LHFPL3: variants seen among roughly 807,000 people sequenced by gnomAD.
LHFPL3 encodes LHFPL tetraspan subfamily member 3 protein.
Under a neutral mutation model 19.3 loss-of-function variants are expected in LHFPL3, and 5 were observed. The ratio of observed to expected loss-of-function variants is 0.26; its 90% confidence interval spans 0.14 to 0.54. The LOEUF is 0.54. Among genes scored for constraint, LHFPL3 ranks in the 20% least tolerant of loss-of-function variants. The pLI is 0.94. For synonymous variants in LHFPL3, 133 were observed against 126.2 expected (o/e 1.05, Z -0.36); for missense variants, 249 against 307.4 (o/e 0.81, Z 1.42).
chr7:104,365,444 T>A (rs1380555866), intron 1 of LHFPL3, among the ~76,000 whole-genome samples: 1 of 59,976 alleles, frequency 1.7e-5, no homozygotes, highest in Non-Finnish European at 3.5e-5. Flanking sequence ...GTTTTTGTGA[T>A]TTTTTTTTTA....
chr7:104,580,863 T>C (rs1251536429), intron 1 of LHFPL3, among the ~76,000 whole-genome samples: 1 of 152,116 alleles, frequency 6.6e-6, no homozygotes, highest in Non-Finnish European at 1.5e-5. Flanking sequence ...GTTGCATGTA[T>C]CACAATTATT....
At chr7:104,491,216 C>G (rs992086715) in intron 1 of LHFPL3, among the ~76,000 whole-genome samples, 7 of 152,100 alleles carry the variant, frequency 4.6e-5, no homozygotes, top group African/African-American at 1.7e-4. Context: ...CATCAGCAAT[C>G]AGATGACCAG....
At chr7:104,514,558 G>C (rs1420182732) in intron 1 of LHFPL3, among the ~76,000 whole-genome samples, 1 of 152,162 alleles carries the variant, frequency 6.6e-6, no homozygotes, top group African/African-American at 2.4e-5. Context: ...GGGGTCAGCA[G>C]AGCTAGAAGA....
chr7:104,795,465 T>C (rs1790105979), intron 2 of LHFPL3, among the ~76,000 whole-genome samples: 1 of 152,218 alleles, frequency 6.6e-6, no homozygotes, highest in Admixed American at 6.5e-5. Flanking sequence ...TTCTAACAGT[T>C]TGTATGCCTC....
intron 2 of LHFPL3, among the ~76,000 whole-genome samples, chr7:104,769,849 G>A (rs1005474960): frequency 1.4e-5 from 1 of 73,012 alleles, no homozygotes; most frequent in Non-Finnish European, 2.7e-5. Context: ...ATACTATGCA[G>A]CCATAAAAAA....
At chr7:104,663,894 A>G (rs1440114136) in intron 1 of LHFPL3, among the ~76,000 whole-genome samples, 1 of 152,228 alleles carries the variant, frequency 6.6e-6, no homozygotes, top group Non-Finnish European at 1.5e-5. Flanking sequence ...TACCTTAACC[A>G]TAAGACCATC....
chr7:104,792,410 A>G (rs1790039816), intron 2 of LHFPL3, among the ~76,000 whole-genome samples: 1 of 152,256 alleles, frequency 6.6e-6, no homozygotes, highest in South Asian at 2.1e-4. Context: ...TCCAGACTCT[A>G]TTACAGATGA....
intron 1 of LHFPL3, among the ~76,000 whole-genome samples, chr7:104,707,371 C>G (rs1427376836): frequency 6.6e-6 from 1 of 152,234 alleles, no homozygotes; most frequent in Non-Finnish European, 1.5e-5. Context: ...GGCTTGGATA[C>G]TTACTGGTCA....
At chr7:104,904,974 C>T (rs914491199) in intron 2 of LHFPL3, among the ~76,000 whole-genome samples, 1 of 152,078 alleles carries the variant, frequency 6.6e-6, no homozygotes, top group East Asian at 1.9e-4. Flanking sequence ...TTGTGTGTGA[C>T]AGGGAGGGTC....
At chr7:104,427,379 A>C (rs1791867894) in intron 1 of LHFPL3, among the ~76,000 whole-genome samples, 1 of 152,250 alleles carries the variant, frequency 6.6e-6, no homozygotes, top group Admixed American at 6.5e-5. Flanking sequence ...CTAAGAAATT[A>C]ACAGTGAAGC....
chr7:104,833,940 C>T (rs1354022599), intron 2 of LHFPL3, among the ~76,000 whole-genome samples: 1 of 131,068 alleles, frequency 7.6e-6, no homozygotes, highest in Non-Finnish European at 1.6e-5. Flanking sequence ...CACAAGTTCC[C>T]ACAATAGGCT....
At chr7:104,890,313 T>C (rs1361289249) in intron 2 of LHFPL3, among the ~76,000 whole-genome samples, 1 of 151,996 alleles carries the variant, frequency 6.6e-6, no homozygotes, top group Non-Finnish European at 1.5e-5. Flanking sequence ...AAAAAACAAG[T>C]GGTTGGGAGA....
At chr7:104,736,561 T>A (rs1793826424) in intron 1 of LHFPL3, 114 bp from the exon 2 acceptor site, 1 of 728,606 alleles carries the variant, frequency 1.4e-6, no homozygotes. Flanking sequence ...TGCTGTTTTT[T>A]AAATCAAGAA....
chr7:104,890,680 G>T (rs927136416), intron 2 of LHFPL3, among the ~76,000 whole-genome samples: 1 of 152,248 alleles, frequency 6.6e-6, no homozygotes, highest in African/African-American at 2.4e-5. Flanking sequence ...CAGAGGCCAT[G>T]GGAGAAATGG....
intron 1 of LHFPL3, among the ~76,000 whole-genome samples, chr7:104,390,386 G>C (rs1791041530): frequency 6.7e-6 from 1 of 150,214 alleles, no homozygotes; most frequent in Non-Finnish European, 1.5e-5. Flanking sequence ...CCCAACCTGT[G>C]TCCAAGTGTT....
intron 1 of LHFPL3, among the ~76,000 whole-genome samples, chr7:104,481,771 T>G (rs34551080): frequency 4.6e-5 from 7 of 152,122 alleles, no homozygotes; most frequent in Non-Finnish European, 1.0e-4. Flanking sequence ...ACTACTCACA[T>G]AAAAAGCTAG....
rs183681192 is a variant in LHFPL3, at chr7:104,457,261, C to A, written c.445+128037C>A. 6.9e-3 allele frequency among the ~76,000 whole-genome samples: 1,047 copies of A among 151,478 alleles called. 10 individuals are homozygous for A. The highest frequency in any genetic ancestry group is 0.024 in the African/African-American group (997 of 41,202). On this transcript the variant is annotated intron_variant, in intron 1 of 2. Coordinates refer to ENST00000424859, the MANE Select transcript of LHFPL3 (RefSeq NM_199000.3). ...ATTAGGTATATCTCCTCAAGCTATC[C>A]CTCCCCCATCCCCCCACCCCACAAC...
chr7:104,393,176 T>A (rs185205041), intron 1 of LHFPL3, among the ~76,000 whole-genome samples: 3 of 152,286 alleles, frequency 2.0e-5, no homozygotes, highest in Admixed American at 2.0e-4. Flanking sequence ...TAAATAATGT[T>A]GAGGTTGCAG....
At chr7:104,592,484 G>T (rs111255073) in intron 1 of LHFPL3, among the ~76,000 whole-genome samples, 9 of 151,402 alleles carry the variant, frequency 5.9e-5, no homozygotes, top group African/African-American at 1.9e-4. Flanking sequence ...TCTCAGAGGA[G>T]CACCCAGCTG....
Sources: gnomAD v4.1 joint callset for allele counts (sites outside exome capture counted in the v4.1 genomes callset) on GRCh38, gnomAD v4.1.1 for gene constraint, MANE v1.5 for transcripts, NCBI Gene and HGNC (gene_info 2026-07-23, HGNC 2026-07-21) for gene names.